Variants in BRINP2 observed in about 807,000 individuals in gnomAD.
BRINP2 encodes the protein BMP/retinoic acid inducible neural specific 2.
In BRINP2, 21 loss-of-function variants were observed where a neutral mutation model predicts 69.2. The ratio of observed to expected loss-of-function variants is 0.30; its 90% CI spans 0.22 to 0.44. BRINP2 has a LOEUF of 0.44. BRINP2 is among the 20% of genes least tolerant of loss of function. The pLI is 1.00. For synonymous variants in BRINP2, 380 were observed against 394.1 expected (o/e 0.96, Z 0.42); for missense variants, 877 against 986.0 (o/e 0.89, Z 1.48).
rs544027595 is a variant in BRINP2, at chr1:177,260,484, T to G, written c.669+3100T>G. Among the ~76,000 whole-genome samples, 10 of 152,336 alleles carry G rather than the reference T, an allele frequency of 6.6e-5. No homozygotes were observed. The South Asian group carries it at 2.1e-3, about 32-fold the overall frequency. ...ACTCCAATTTTGAAAGAAGTTCTAT[T>G]GTTGGTAAAATGCTATCAAATAGCG... On this transcript the variant is annotated intron_variant, in intron 4 of 7. Coordinates refer to ENST00000361539, the MANE Select transcript of BRINP2 (RefSeq NM_021165.4).
chr1:177,191,460 C>CT (rs1042151696), intron 1 of BRINP2, among the ~76,000 whole-genome samples: 2 of 152,034 alleles, frequency 1.3e-5, no homozygotes, highest in Non-Finnish European at 2.9e-5. Flanking sequence ...CTCTTTCGCT[C>CT]TTTTTTTGTT....
intron 4 of BRINP2, among the ~76,000 whole-genome samples, chr1:177,272,618 G>T (rs981616931): frequency 6.6e-6 from 1 of 152,206 alleles, no homozygotes; most frequent in African/African-American, 2.4e-5. Context: ...GGACGTCAGA[G>T]GTATCAGAGT....
chr1:177,281,872 C>A lies in BRINP2; in HGVS notation c.*344C>A. The stretch of plus-strand genomic sequence containing the variant: ...AGAACCAGCTGAACCATGAAACAAA[C>A]AAAAATCCTAAAAGTGATTCTTGTC... On this transcript the variant is annotated 3_prime_UTR_variant, in exon 8 of 8. Transcript: ENST00000361539. 5.1e-6 allele frequency: 1 copy of A among 195,450 alleles called. No homozygotes were observed. Among genetic ancestry groups the A allele is most frequent in the Non-Finnish European group, 1.0e-5 (1 of 96,938 alleles). 12.1% of individuals were successfully genotyped at this position (195,450 alleles called of 1,614,324 possible). A position where few individuals can be genotyped will look rare whatever the true frequency, so the allele number is the denominator to read the frequency against.
Position 177,256,044 on chromosome 1 carries a change from A to T in BRINP2, c.395A>T (p.Gln132Leu). The change falls in exon 3 of 8, where the codon CAA (glutamine) becomes CTA (leucine). Residue 132 changes from glutamine to leucine, a missense_variant. By Grantham distance (113) the Gln-to-Leu change is moderately radical (BLOSUM62 -2). Transcript: ENST00000361539. The stretch of plus-strand genomic sequence containing the variant: ...CTCCTTGGAAGGAGACCCAATCTGC[A>T]ACAGGTTACAGAAAATCTGATTAAA... ...IRLLGRRPNL[Q>L]QVTENLIKKY... The T allele has an allele frequency of 6.2e-7, 1 of 1,614,222 alleles. No homozygotes were observed. The highest frequency in any genetic ancestry group is 8.5e-7 in the Non-Finnish European group (1 of 1,180,038).
intron 2 of BRINP2, among the ~76,000 whole-genome samples, chr1:177,233,315 G>A (rs768109495): frequency 6.6e-6 from 1 of 152,114 alleles, no homozygotes. Context: ...GTATAATATC[G>A]GGCAAATTAC....
Position 177,199,760 on chromosome 1 carries a change from CTT to C in BRINP2, c.-77+28032_-77+28033del, listed in dbSNP as rs552668551. Among the ~76,000 whole-genome samples, 91 of 152,246 alleles carry C rather than the reference CTT, an allele frequency of 6.0e-4. 1 individual carries two copies. In the South Asian group the frequency reaches 0.016, roughly 26 times the overall value. On this transcript the variant is annotated intron_variant, in intron 1 of 7. Coordinates refer to ENST00000361539, the MANE Select transcript of BRINP2 (RefSeq NM_021165.4). Reference sequence around the variant, plus strand: ...AGCAGGACAGGAAAAAAGTAGAAGACTTTTTAAAAAATGCACTCAGTTATAGA... The same window carrying C: ...AGCAGGACAGGAAAAAAGTAGAAGACTTTAAAAAATGCACTCAGTTATAGA...
intron 2 of BRINP2, among the ~76,000 whole-genome samples, chr1:177,232,396 A>G (rs1383803324): frequency 3.9e-5 from 6 of 152,196 alleles, no homozygotes; most frequent in African/African-American, 7.2e-5. Flanking sequence ...ACACTGTGCC[A>G]TTCTGTTTCT....
At chr1:177,278,293 C>T (rs1651567166) in intron 6 of BRINP2, among the ~76,000 whole-genome samples, 1 of 151,998 alleles carries the variant, frequency 6.6e-6, no homozygotes, top group Non-Finnish European at 1.5e-5. Context: ...GAACTCTGGC[C>T]CCTCTGAGGG....
intron 2 of BRINP2, among the ~76,000 whole-genome samples, chr1:177,242,491 T>C (rs1650235650): frequency 6.6e-6 from 1 of 152,048 alleles, no homozygotes; most frequent in African/African-American, 2.4e-5. Context: ...CCATAACCCA[T>C]TCCCTCTACC....
intron 4 of BRINP2, among the ~76,000 whole-genome samples, chr1:177,265,848 C>T (rs374883670): frequency 1.1e-4 from 17 of 152,146 alleles, no homozygotes; most frequent in South Asian, 4.2e-4. Flanking sequence ...AGGCCAGCTG[C>T]GGTGGCTCAC....
chr1:177,281,434 A>G lies in BRINP2; in HGVS notation c.2258A>G (p.Asn753Ser). 1 of 1,614,120 alleles carries G rather than the reference A, an allele frequency of 6.2e-7. No individual in the cohort carries two copies. Among genetic ancestry groups the G allele is most frequent in the South Asian group, 1.1e-5 (1 of 91,084 alleles). Residue 753 changes from asparagine (N) to serine (S), a missense_variant, in exon 8 of 8, where the codon AAC (asparagine) becomes AGC (serine). This residue lies in a region of BRINP2 where 225 missense variants were observed against 218.7 expected (regional missense o/e 1.03). Coordinates refer to ENST00000361539, the MANE Select transcript of BRINP2 (RefSeq NM_021165.4). ...CTCCGGCATCGGCTTAAGCTGGCCA[A>G]CAATGAGGTGGGCAGGATCCAGTCC... ...CLLRHRLKLANNEVGRIQSSL... is the reference protein window; with the variant it reads ...CLLRHRLKLASNEVGRIQSSL...
At chr1:177,272,365 C>T (rs767812722) in intron 4 of BRINP2, among the ~76,000 whole-genome samples, 1 of 152,226 alleles carries the variant, frequency 6.6e-6, no homozygotes, top group African/African-American at 2.4e-5. Context: ...GTTGCACACA[C>T]CTCCCTACCC....
At chr1:177,237,788 T>C (rs1373307424) in intron 2 of BRINP2, among the ~76,000 whole-genome samples, 1 of 152,136 alleles carries the variant, frequency 6.6e-6, no homozygotes, top group Non-Finnish European at 1.5e-5. Flanking sequence ...GACGTGTGTG[T>C]GTGTAGAAAG....
chr1:177,211,498 C>A (rs1387610202), intron 1 of BRINP2, among the ~76,000 whole-genome samples: 1 of 152,188 alleles, frequency 6.6e-6, no homozygotes, highest in Non-Finnish European at 1.5e-5. Flanking sequence ...CTCCGTCCTA[C>A]TTTGACCTTC....
At chr1:177,207,700 G>A (rs756346045) in intron 1 of BRINP2, among the ~76,000 whole-genome samples, 56 of 152,144 alleles carry the variant, frequency 3.7e-4, no homozygotes, top group Non-Finnish European at 6.0e-4. Context: ...CATGGTGGCC[G>A]TTTTCCTGGA....
intron 5 of BRINP2, among the ~76,000 whole-genome samples, chr1:177,274,776 C>T (rs1213675880): frequency 6.6e-6 from 1 of 152,076 alleles, no homozygotes; most frequent in Non-Finnish European, 1.5e-5. Context: ...TGAAAGCAAG[C>T]ATGTGGATTG....
chr1:177,280,218 T>C (rs990291982), intron 7 of BRINP2, among the ~76,000 whole-genome samples, 194 bp from the exon 8 acceptor site: 4 of 152,212 alleles, frequency 2.6e-5, no homozygotes, highest in African/African-American at 9.6e-5. Flanking sequence ...TGCTGACCCA[T>C]CAGACACAGA....
At chr1:177,259,625 C>T (rs1273206050) in intron 4 of BRINP2, among the ~76,000 whole-genome samples, 2 of 152,188 alleles carry the variant, frequency 1.3e-5, no homozygotes, top group African/African-American at 4.8e-5. Flanking sequence ...GCTAATATAG[C>T]TGGTCACTTT....
intron 1 of BRINP2, among the ~76,000 whole-genome samples, chr1:177,176,684 C>A (rs975886045): frequency 6.6e-6 from 1 of 151,750 alleles, no homozygotes; most frequent in Non-Finnish European, 1.5e-5. Flanking sequence ...CAGGAGCAGC[C>A]CAGAGTGAGC....
Sources: allele counts gnomAD v4.1 joint callset (sites outside exome capture counted in the v4.1 genomes callset), GRCh38; gene constraint gnomAD v4.1.1; regional missense constraint gnomAD v4.1.1; transcripts MANE v1.5; gene names NCBI Gene and HGNC (gene_info 2026-07-23, HGNC 2026-07-21).